Variants in ST18 observed in about 807,000 individuals in gnomAD.
ST18 encodes suppression of tumorigenicity 18 protein.
In ST18, 50 loss-of-function variants were observed where a neutral mutation model predicts 110.0. The observed-to-expected ratio is 0.45, with a 90% CI of 0.36 to 0.58. The LOEUF is 0.58. Ranked by LOEUF, ST18 falls within the 20% of genes least tolerant of loss-of-function variation. ST18 has a pLI of 0.00. For synonymous variants in ST18, 461 were observed against 452.4 expected (o/e 1.02, Z -0.24); for missense variants, 1,306 against 1,280.1 (o/e 1.02, Z -0.31).
intron 2 of ST18, among the ~76,000 whole-genome samples, chr8:52,331,534 T>C (rs557086021): frequency 6.6e-6 from 1 of 151,966 alleles, no homozygotes; most frequent in Non-Finnish European, 1.5e-5. Flanking sequence ...AGGGAGAAAA[T>C]GCAGGGAAGA....
intron 17 of ST18, among the ~76,000 whole-genome samples, chr8:52,142,064 G>A (rs1327047014): frequency 2.6e-5 from 4 of 152,154 alleles, no homozygotes; most frequent in African/African-American, 7.2e-5. Flanking sequence ...TCAGCTCTGT[G>A]GCATCCTGCT....
chr8:52,129,064 A>G (rs575986165), intron 22 of ST18, among the ~76,000 whole-genome samples: 14 of 152,212 alleles, frequency 9.2e-5, no homozygotes, highest in Admixed American at 7.2e-4. Context: ...CTGCATATAT[A>G]TACATATAGG....
chr8:52,288,994 T>G (rs971652127), intron 2 of ST18, among the ~76,000 whole-genome samples: 2 of 152,138 alleles, frequency 1.3e-5, no homozygotes. Flanking sequence ...TTCTCCATTT[T>G]CCTACATGAC....
intron 3 of ST18, among the ~76,000 whole-genome samples, chr8:52,227,150 T>C (rs2089756599): frequency 6.6e-6 from 1 of 152,192 alleles, no homozygotes; most frequent in Non-Finnish European, 1.5e-5. Flanking sequence ...GATCCTTGGA[T>C]TTTATTCTCA....
rs113216376 is a variant in ST18, at chr8:52,239,765, C to T, written c.-464-9688G>A. ...CGCCTCCTATTCTTTCTTATAGGAC[C>T]CCAGATGGGAGAACGGTTTCCATTT... is the stretch of plus-strand genomic sequence containing the variant. On this transcript the variant is annotated intron_variant, in intron 2 of 25. Coordinates refer to ENST00000689386, the MANE Select transcript of ST18 (RefSeq NM_001352837.2). Among the ~76,000 whole-genome samples the T allele has an allele frequency of 8.7e-3, 1,319 of 152,064 alleles. 10 individuals are homozygous for T. Among genetic ancestry groups the T allele is most frequent in the South Asian group, 0.02 (98 of 4,796 alleles).
intron 2 of ST18, among the ~76,000 whole-genome samples, chr8:52,275,609 G>A (rs1352461988): frequency 6.6e-6 from 1 of 152,176 alleles, no homozygotes. Flanking sequence ...TAGAAAATAA[G>A]CTATGGTTTT....
intron 15 of ST18, among the ~76,000 whole-genome samples, chr8:52,152,173 G>C (rs978925725): frequency 6.6e-6 from 1 of 152,206 alleles, no homozygotes; most frequent in Non-Finnish European, 1.5e-5. Flanking sequence ...GCAGGGTACA[G>C]ATGGGCCTTA....
intron 2 of ST18, among the ~76,000 whole-genome samples, chr8:52,295,876 A>G (rs1187512462): frequency 6.6e-6 from 1 of 152,080 alleles, no homozygotes; most frequent in Non-Finnish European, 1.5e-5. Flanking sequence ...CCTGCCTCCC[A>G]GTATGTTCTG....
At chr8:52,333,080 A>T (rs1810358231) in intron 2 of ST18, among the ~76,000 whole-genome samples, 2 of 152,106 alleles carry the variant, frequency 1.3e-5, no homozygotes, top group Admixed American at 6.5e-5. Flanking sequence ...CCAAGTTCTC[A>T]TCCATCAAGC....
intron 2 of ST18, among the ~76,000 whole-genome samples, chr8:52,302,389 A>G (rs1470213685): frequency 6.6e-6 from 1 of 152,244 alleles, no homozygotes; most frequent in African/African-American, 2.4e-5. Context: ...AAATAAATAT[A>G]GATTTCAATG....
intron 13 of ST18, 69 bp from the exon 14 acceptor site, chr8:52,161,637 A>C: frequency 1.3e-6 from 2 of 1,534,134 alleles, no homozygotes; most frequent in Non-Finnish European, 1.8e-6. Flanking sequence ...TAGTGTCAGA[A>C]TTTACAGTAG....
At chr8:52,207,229 T>C (rs896918389) in intron 8 of ST18, among the ~76,000 whole-genome samples, 1 of 152,256 alleles carries the variant, frequency 6.6e-6, no homozygotes, top group Admixed American at 6.5e-5. Context: ...CTCACACCTA[T>C]AATCCCAGCA....
intron 2 of ST18, among the ~76,000 whole-genome samples, chr8:52,318,485 TG>T (rs1266347572): frequency 6.6e-6 from 1 of 152,220 alleles, no homozygotes. Context: ...CGGAAGACAG[TG>T]GCAATTCCTC....
chr8:52,282,328 T>C (rs1276664192), intron 2 of ST18, among the ~76,000 whole-genome samples: 1 of 152,104 alleles, frequency 6.6e-6, no homozygotes, highest in African/African-American at 2.4e-5. Context: ...AAAAAGATAA[T>C]CCACTGTGAC....
intron 2 of ST18, among the ~76,000 whole-genome samples, chr8:52,289,484 C>A (rs924542451): frequency 1.3e-5 from 2 of 152,098 alleles, no homozygotes; most frequent in Admixed American, 1.3e-4. Context: ...CAACAACCAC[C>A]TGGGTCTTTC....
intron 2 of ST18, among the ~76,000 whole-genome samples, chr8:52,270,716 T>G (rs2095046456): frequency 1.3e-5 from 2 of 152,068 alleles, no homozygotes; most frequent in South Asian, 4.1e-4. Flanking sequence ...TAAGTGGTTG[T>G]TTGGGGGTGG....
At chr8:52,133,322 G>A (rs767565803) in intron 19 of ST18, 21 bp from the exon 20 acceptor site, 1 of 1,614,100 alleles carries the variant, frequency 6.2e-7, no homozygotes, top group Non-Finnish European at 8.5e-7. Flanking sequence ...CAGGAAGAGA[G>A]CATGGGCTGA....
At chr8:52,185,394 G>A (rs2071647129) in intron 8 of ST18, among the ~76,000 whole-genome samples, 1 of 152,016 alleles carries the variant, frequency 6.6e-6, no homozygotes, top group Admixed American at 6.6e-5. Flanking sequence ...TACCTCCAGA[G>A]GATATTTCTT....
At chr8:52,118,499 A>G (rs2043385794) in intron 23 of ST18, 58 bp from the exon 24 acceptor site, 1 of 993,832 alleles carries the variant, frequency 1.0e-6, no homozygotes, top group African/African-American at 1.7e-5. Context: ...ATGAGTCATT[A>G]TATGTTTAAT....
Sources: gnomAD v4.1 joint callset for allele counts (sites outside exome capture counted in the v4.1 genomes callset) on GRCh38, gnomAD v4.1.1 for gene constraint, MANE v1.5 for transcripts, NCBI Gene and HGNC (gene_info 2026-07-23, HGNC 2026-07-21) for gene names.